The following KIAA0825 variants were observed in gnomAD, a reference collection of about 807,000 sequenced individuals.
KIAA0825 encodes KIAA0825.
A neutral mutation model predicts 147.6 loss-of-function variants in KIAA0825; 119 were observed. The ratio of observed to expected loss-of-function variants is 0.81; its 90% CI spans 0.69 to 0.94. The LOEUF is 0.94. KIAA0825 is among the 40% of genes least tolerant of loss of function. KIAA0825 has a pLI of 0.00. For synonymous variants in KIAA0825, 470 were observed against 518.1 expected (o/e 0.91, Z 1.26); for missense variants, 1,381 against 1,472.7 (o/e 0.94, Z 1.02).
At chr5:94,477,353 TATATAGAGA>T in intron 6 of KIAA0825, 148 bp from the exon 7 acceptor site, 1 of 502,774 alleles carries the variant, frequency 2.0e-6, no homozygotes, top group African/African-American at 1.9e-5. Flanking sequence ...CAAATAACAA[TATATAGAGA>T]ATATAGTCAA....
intron 20 of KIAA0825, among the ~76,000 whole-genome samples, chr5:94,256,457 A>G (rs1776259480): frequency 6.6e-6 from 1 of 152,176 alleles, no homozygotes; most frequent in Non-Finnish European, 1.5e-5. Flanking sequence ...TTCACTGCTC[A>G]ACTTTATTTG....
chr5:94,483,576 G>T (rs574452406), intron 6 of KIAA0825, among the ~76,000 whole-genome samples: 68 of 151,022 alleles, frequency 4.5e-4, no homozygotes, highest in East Asian at 9.7e-4. Flanking sequence ...CTTTTTTTTG[G>T]TTTTTTTGGG....
intron 1 of KIAA0825, among the ~76,000 whole-genome samples, chr5:94,586,059 T>C (rs1425721268): frequency 6.6e-6 from 1 of 152,294 alleles, no homozygotes; most frequent in East Asian, 1.9e-4. Context: ...GGGAAATTTA[T>C]AGCACTAAAT....
chr5:94,356,005 A>T (rs1784202848), intron 20 of KIAA0825, among the ~76,000 whole-genome samples: 1 of 152,350 alleles, frequency 6.6e-6, no homozygotes, highest in East Asian at 1.9e-4. Flanking sequence ...GTTGGGAAGC[A>T]GATTTTCATT....
Position 94,151,700 on chromosome 5 carries a change from A to G in KIAA0825, c.*2307T>C, listed in dbSNP as rs909825601. 2.0e-5 allele frequency among the ~76,000 whole-genome samples: 3 copies of G among 152,222 alleles called. No individual in the cohort carries two copies. The highest frequency in any genetic ancestry group is 7.2e-5 in the African/African-American group (3 of 41,456). ...AGATTTTTTCTGGAGGAGCAAAATTACTTCCCAGGATTAATACAGGAATAT... is the reference window on the plus strand; with the variant it reads ...AGATTTTTTCTGGAGGAGCAAAATTGCTTCCCAGGATTAATACAGGAATAT... On this transcript the variant is annotated 3_prime_UTR_variant, in exon 21 of 21. Transcript: ENST00000682413.
chr5:94,540,447 C>T (rs1042957582), intron 2 of KIAA0825, among the ~76,000 whole-genome samples: 1 of 152,218 alleles, frequency 6.6e-6, no homozygotes, highest in South Asian at 2.1e-4. Context: ...GACCTTGTAA[C>T]CACATGGCAG....
intron 20 of KIAA0825, among the ~76,000 whole-genome samples, chr5:94,356,856 C>G (rs919620394): frequency 2.0e-5 from 3 of 151,002 alleles, no homozygotes; most frequent in African/African-American, 7.3e-5. Context: ...TCCCGAGTAG[C>G]TGGGACTACA....
chr5:94,273,035 A>G (rs1777062768), intron 20 of KIAA0825, among the ~76,000 whole-genome samples: 2 of 152,220 alleles, frequency 1.3e-5, no homozygotes, highest in East Asian at 3.9e-4. Context: ...TATATGGATA[A>G]GCAGGGTGGC....
rs1444165517 is a variant in KIAA0825, at chr5:94,151,204, T to G, written c.*2803A>C. On this transcript the variant is annotated 3_prime_UTR_variant, in exon 21 of 21. Coordinates refer to ENST00000682413, the MANE Select transcript of KIAA0825 (RefSeq NM_001145678.3). ...AGGCCGAGGCGGGTGGATCATGAGG[T>G]CAGGAGATCGAGACCATCCTGGCTA... Among the ~76,000 whole-genome samples, 1 of 148,622 alleles carries G rather than the reference T, an allele frequency of 6.7e-6. No homozygotes were observed. Among genetic ancestry groups the G allele is most frequent in the Non-Finnish European group, 1.5e-5 (1 of 67,292 alleles).
At chr5:94,215,051 CAA>C (rs1165643925) in intron 20 of KIAA0825, among the ~76,000 whole-genome samples, 2 of 151,848 alleles carry the variant, frequency 1.3e-5, no homozygotes, top group Non-Finnish European at 2.9e-5. Context: ...TTTTTAAAGA[CAA>C]GAGAAGAAAA....
chr5:94,187,160 C>T (rs1770192011), intron 20 of KIAA0825, among the ~76,000 whole-genome samples: 1 of 152,028 alleles, frequency 6.6e-6, no homozygotes, highest in African/African-American at 2.4e-5. Flanking sequence ...CATGCAGGCA[C>T]ATCATAAGGA....
chr5:94,235,878 A>G (rs1775013667), intron 20 of KIAA0825, among the ~76,000 whole-genome samples: 1 of 152,178 alleles, frequency 6.6e-6, no homozygotes, highest in African/African-American at 2.4e-5. Context: ...ATATCAGTTT[A>G]TTGCATGGTT....
intron 20 of KIAA0825, among the ~76,000 whole-genome samples, chr5:94,377,417 G>C (rs1227092424): frequency 2.6e-5 from 4 of 152,210 alleles, no homozygotes; most frequent in Non-Finnish European, 5.9e-5. Context: ...ATTTGTTCCA[G>C]TGACAAAGAA....
chr5:94,390,550 C>T (rs1749760316), intron 18 of KIAA0825, among the ~76,000 whole-genome samples: 1 of 152,166 alleles, frequency 6.6e-6, no homozygotes, highest in Non-Finnish European at 1.5e-5. Flanking sequence ...AGGGTCATAT[C>T]TCATAGCTAC....
intron 20 of KIAA0825, among the ~76,000 whole-genome samples, chr5:94,325,816 AC>A (rs1443276365): frequency 6.6e-6 from 1 of 152,044 alleles, no homozygotes; most frequent in Non-Finnish European, 1.5e-5. Context: ...TATTTCAAGT[AC>A]TTAAAATTAC....
At chr5:94,442,361 G>T (rs1757189311) in intron 13 of KIAA0825, among the ~76,000 whole-genome samples, 1 of 152,124 alleles carries the variant, frequency 6.6e-6, no homozygotes, top group Admixed American at 6.6e-5. Flanking sequence ...CAGGCAATTG[G>T]TGGGGCACTG....
At chr5:94,233,469 A>G (rs1774852775) in intron 20 of KIAA0825, among the ~76,000 whole-genome samples, 1 of 152,224 alleles carries the variant, frequency 6.6e-6, no homozygotes, top group African/African-American at 2.4e-5. Flanking sequence ...GCATTAGTCA[A>G]CTTGACACTT....
chr5:94,569,755 C>T (rs754316776), intron 2 of KIAA0825: 8 of 256,960 alleles, frequency 3.1e-5, no homozygotes, highest in African/African-American at 4.5e-5. Flanking sequence ...TCACCTGAGA[C>T]GTAAACCATG....
chr5:94,170,503 C>G (rs1025841425), intron 20 of KIAA0825, among the ~76,000 whole-genome samples: 1 of 152,124 alleles, frequency 6.6e-6, no homozygotes, highest in Admixed American at 6.5e-5. Context: ...CCTGGGGGAA[C>G]TAACGAGAAG....
Sources: allele counts gnomAD v4.1 joint callset (sites outside exome capture counted in the v4.1 genomes callset), GRCh38; gene constraint gnomAD v4.1.1; transcripts MANE v1.5; gene names NCBI Gene and HGNC (gene_info 2026-07-23, HGNC 2026-07-21).